Variants in KCNG1 observed in about 807,000 individuals in gnomAD.
KCNG1 encodes the protein voltage-gated potassium channel regulatory subunit KCNG1.
A neutral mutation model predicts 32.4 loss-of-function variants in KCNG1; 17 were observed. The ratio of observed to expected loss-of-function variants is 0.52; its 90% confidence interval spans 0.36 to 0.79. The LOEUF (loss-of-function observed/expected upper bound fraction) is 0.79. KCNG1 is among the 30% of genes least tolerant of loss of function. The pLI is 0.00. For synonymous variants in KCNG1, 358 were observed against 339.9 expected, an observed-to-expected ratio of 1.05 and a Z score of -0.59; for missense variants, 441 against 735.2, an observed-to-expected ratio of 0.60 and a Z score of 4.63.
At chr20:51,022,037 CGGG>C (rs1035101254) in intron 1 of KCNG1, among the ~76,000 whole-genome samples, 1 of 152,202 alleles carries the variant, frequency 6.6e-6, no homozygotes, top group Non-Finnish European at 1.5e-5. Context: ...GCCTCCCAAG[CGGG>C]GGCCTGGGTC....
intron 2 of KCNG1, among the ~76,000 whole-genome samples, chr20:51,007,512 A>G (rs1450684821): frequency 5.3e-5 from 8 of 151,514 alleles, no homozygotes; most frequent in Admixed American, 4.0e-4. Flanking sequence ...AATTTAAAAA[A>G]GTTTAAAAAG....
Position 51,010,137 on chromosome 20 carries a change from T to A in KCNG1, c.202A>T (p.Asn68Tyr). ...AGCGAGTACTTGATGCCGCCTACGT[T>A]GATGATGATCCGACGGCGGCGGTCC... ...PEDRRRRIII[N>Y]VGGIKYSLPW... The change falls in exon 2 of 3, where the codon AAC (asparagine) becomes TAC (tyrosine). Residue 68 changes from asparagine (N) to tyrosine (Y), a missense_variant. This residue lies in a region of KCNG1 where 85 missense variants were observed against 98.2 expected (regional missense o/e 0.87). Coordinates refer to ENST00000371571, the MANE Select transcript of KCNG1 (RefSeq NM_002237.4). The A allele has an allele frequency of 1.2e-6, 2 of 1,613,144 alleles. No homozygotes were observed. Among genetic ancestry groups the A allele is most frequent in the Non-Finnish European group, 1.7e-6 (2 of 1,179,568 alleles).
intron 1 of KCNG1, among the ~76,000 whole-genome samples, chr20:51,010,616 C>G (rs574318321): frequency 6.6e-6 from 1 of 152,126 alleles, no homozygotes; most frequent in African/African-American, 2.4e-5. Context: ...GAAGACAGGC[C>G]GGGCGCGGTG....
At chr20:51,007,458 T>C (rs1179250156) in intron 2 of KCNG1, among the ~76,000 whole-genome samples, 1 of 152,146 alleles carries the variant, frequency 6.6e-6, no homozygotes, top group Non-Finnish European at 1.5e-5. Context: ...AGTGCTGGGA[T>C]TACAGGCGTG....
At chr20:51,012,803 C>G (rs964319508) in intron 1 of KCNG1, among the ~76,000 whole-genome samples, 1 of 152,214 alleles carries the variant, frequency 6.6e-6, no homozygotes, top group African/African-American at 2.4e-5. Flanking sequence ...ATGGCTACCC[C>G]TTTAGGCAGC....
At chr20:51,019,053 T>C (rs1188803092) in intron 1 of KCNG1, among the ~76,000 whole-genome samples, 1 of 151,964 alleles carries the variant, frequency 6.6e-6, no homozygotes, top group East Asian at 1.9e-4. Flanking sequence ...TTAAAAAAAA[T>C]CAACAAAACC....
At chr20:51,009,393 T>G in intron 2 of KCNG1, 172 bp downstream of exon 2, 1 of 806,280 alleles carries the variant, frequency 1.2e-6, no homozygotes, top group East Asian at 2.7e-5. Flanking sequence ...CCCATGATGC[T>G]CACATATTAA....
chr20:51,005,579 T>C lies in KCNG1; in HGVS notation c.775-773A>G, dbSNP rs1192708199. 1 of 152,220 alleles carries C rather than the reference T, an allele frequency of 6.6e-6. No homozygotes were observed. Among genetic ancestry groups the C allele is most frequent in the Non-Finnish European group, 1.5e-5 (1 of 68,044 alleles). 9.4% of individuals were successfully genotyped at this position (152,220 alleles called of 1,614,324 possible). ...CTGGTGACAAATGTTGGTGATAATG[T>C]TGGTTAAATAGATAAAATGTTGATT... On this transcript the variant is annotated intron_variant, in intron 2 of 2. Coordinates refer to ENST00000371571, the MANE Select transcript of KCNG1 (RefSeq NM_002237.4). This position sits in a 1 kb window ranked among gnomAD's most constrained non-coding sequence, Gnocchi z 4.0.
intron 1 of KCNG1, chr20:51,012,223 G>C (rs1988119475): frequency 6.6e-6 from 1 of 152,222 alleles, no homozygotes; most frequent in Non-Finnish European, 1.5e-5. Context: ...TTTGCTCAGG[G>C]GTCAGCAAAC....
chr20:51,011,979 G>A (rs1194002925), intron 1 of KCNG1, among the ~76,000 whole-genome samples: 2 of 152,178 alleles, frequency 1.3e-5, no homozygotes, highest in Non-Finnish European at 2.9e-5. Context: ...ATTTTTAGTA[G>A]ACATGGTTTT....
At chr20:51,013,460 G>A (rs1294095487) in intron 1 of KCNG1, among the ~76,000 whole-genome samples, 2 of 151,838 alleles carry the variant, frequency 1.3e-5, no homozygotes, top group African/African-American at 2.4e-5. Flanking sequence ...GAAGATACTC[G>A]CTCACAAACA....
intron 1 of KCNG1, among the ~76,000 whole-genome samples, chr20:51,017,308 A>C (rs552109939): frequency 6.6e-6 from 1 of 152,344 alleles, no homozygotes; most frequent in African/African-American, 2.4e-5. Context: ...GTGGAAAAAG[A>C]AACAGAAGTT....
chr20:51,008,424 G>C (rs921211795), intron 2 of KCNG1, among the ~76,000 whole-genome samples: 24 of 152,158 alleles, frequency 1.6e-4, no homozygotes, highest in Admixed American at 5.9e-4. Flanking sequence ...TTACCTCCCA[G>C]GCTCAAGCAA....
intron 1 of KCNG1, among the ~76,000 whole-genome samples, chr20:51,016,965 C>T (rs555348964): frequency 2.0e-5 from 3 of 152,262 alleles, no homozygotes; most frequent in African/African-American, 7.2e-5. Context: ...GCCCTGTGAC[C>T]CAGGAATCCC....
At chr20:51,007,535 G>A (rs1018458124) in intron 2 of KCNG1, among the ~76,000 whole-genome samples, 10 of 132,034 alleles carry the variant, frequency 7.6e-5, no homozygotes. Flanking sequence ...AACCTTACTG[G>A]TTGAATGCTA....
Position 51,004,135 on chromosome 20 carries a change from C to A in KCNG1, c.1446G>T (p.Ala482=). The change falls in exon 3 of 3, where the codon GCG becomes GCT. Residue 482 remains alanine, a synonymous_variant. Transcript: ENST00000371571. This position sits in a 1 kb window ranked among gnomAD's most constrained non-coding sequence, Gnocchi z 4.3. ...QEQERVMFRR[A]QFLIKTKSQL... is the part of the protein sequence containing the mutation. Reference sequence around the variant, plus strand: ...GCGACTTGGTTTTGATGAGGAACTGCGCCCTCCGGAACATCACCCTCTCTT... The same window carrying A: ...GCGACTTGGTTTTGATGAGGAACTGAGCCCTCCGGAACATCACCCTCTCTT... 10 of 1,614,176 alleles carry A rather than the reference C, an allele frequency of 6.2e-6. No individual in the cohort carries two copies. Among genetic ancestry groups the A allele is most frequent in the South Asian group, 1.1e-5 (1 of 91,086 alleles).
chr20:51,012,772 G>A (rs1442448184), intron 1 of KCNG1, among the ~76,000 whole-genome samples: 1 of 152,138 alleles, frequency 6.6e-6, no homozygotes, highest in Non-Finnish European at 1.5e-5. Context: ...GGCAACACTT[G>A]GCCCAAACGC....
At chr20:51,017,885 C>T (rs970276675) in intron 1 of KCNG1, among the ~76,000 whole-genome samples, 4 of 152,134 alleles carry the variant, frequency 2.6e-5, no homozygotes, top group African/African-American at 7.2e-5. Context: ...CCTTCTGGTT[C>T]GTGAGAAAAA....
In KCNG1 at chr20:51,009,921, G is replaced by T; in HGVS notation, c.418C>A (p.Arg140Ser). Residue 140 changes from arginine to serine, a missense_variant, in exon 2 of 3, where the codon CGC becomes AGC. Arg to Ser is a moderately radical substitution (Grantham distance 110). Coordinates refer to ENST00000371571, the MANE Select transcript of KCNG1 (RefSeq NM_002237.4). ...FLRAGKLRLL[R>S]EMCALSFQEE... is the part of the protein sequence containing the mutation. ...TGGAAGGACAGCGCGCACATCTCGC[G>T]CAGCAGCCGCAGCTTGCCCGCGCGC... 6.2e-7 allele frequency: 1 copy of T among 1,613,572 alleles called. No homozygotes were observed. Among genetic ancestry groups the T allele is most frequent in the Non-Finnish European group, 8.5e-7 (1 of 1,179,964 alleles).
Sources: gnomAD v4.1 joint callset for allele counts (sites outside exome capture counted in the v4.1 genomes callset) on GRCh38, gnomAD v4.1.1 for gene constraint, gnomAD v4.1.1 regional missense constraint, Gnocchi (gnomAD v3.1) non-coding constraint, MANE v1.5 for transcripts, NCBI Gene and HGNC (gene_info 2026-07-23, HGNC 2026-07-21) for gene names.